The following RUBCN variants were observed in gnomAD, a reference collection of about 807,000 sequenced individuals.
RUBCN encodes the protein rubicon autophagy regulator, also known as run domain Beclin-1-interacting and cysteine-rich domain-containing protein.
A neutral mutation model predicts 113.2 loss-of-function variants in RUBCN; 74 were observed. That is an observed-to-expected ratio of 0.65 (90% CI 0.54 to 0.79). The LOEUF (loss-of-function observed/expected upper bound fraction) is 0.79. Ranked by LOEUF, RUBCN falls within the 30% of genes least tolerant of loss-of-function variation. The pLI is 0.00. For synonymous variants in RUBCN, 480 were observed against 490.0 expected, an observed-to-expected ratio of 0.98 and a Z score of 0.27; for missense variants, 1,109 against 1,251.7, an observed-to-expected ratio of 0.89 and a Z score of 1.72.
chr3:197,720,981 AT>A (rs1014292868), intron 1 of RUBCN, among the ~76,000 whole-genome samples: 1 of 150,382 alleles, frequency 6.6e-6, no homozygotes, highest in Non-Finnish European at 1.5e-5. Context: ...CTATCTTCTG[AT>A]TTTTTTTTAA....
chr3:197,707,770 G>A (rs1197903952), intron 2 of RUBCN, among the ~76,000 whole-genome samples: 1 of 152,108 alleles, frequency 6.6e-6, no homozygotes, highest in African/African-American at 2.4e-5. Context: ...TTCGAGACCA[G>A]CCTGGTCAAC....
intron 11 of RUBCN, 130 bp from the exon 12 acceptor site, chr3:197,684,347 A>G: frequency 3.8e-6 from 3 of 780,476 alleles, no homozygotes; most frequent in South Asian, 1.4e-5. Flanking sequence ...ATGCAGGAGA[A>G]AGGAGCAGGT....
At position 197,675,552 on chromosome 3, in the gene RUBCN, G is replaced by A. The variant is rs537657092; in HGVS notation, c.2647-37C>T. The A allele has an allele frequency of 1.9e-5, 29 of 1,504,022 alleles. No individual in the cohort carries two copies. The highest frequency in any genetic ancestry group is 1.8e-4 in the East Asian group (8 of 44,346). The allele number at this position is 1,504,022 out of a possible 1,614,324, so 93.2% of individuals were successfully genotyped here. A position where few individuals can be genotyped will look rare whatever the true frequency, so the allele number is the denominator to read the frequency against. On this transcript the variant is annotated intron_variant, in intron 18 of 19. Coordinates refer to ENST00000296343, the MANE Select transcript of RUBCN (RefSeq NM_014687.4). This position sits in a 1 kb window ranked among gnomAD's most constrained non-coding sequence, Gnocchi z 4.4. ...AAACACAGATGGCAAAATGAGGAGCGGCACATCAGGAACTGGCACGGGAGG... is the reference window on the plus strand; with the variant it reads ...AAACACAGATGGCAAAATGAGGAGCAGCACATCAGGAACTGGCACGGGAGG...
chr3:197,747,719 T>A (rs1262908027), intron 1 of RUBCN, among the ~76,000 whole-genome samples: 1 of 152,190 alleles, frequency 6.6e-6, no homozygotes, highest in Non-Finnish European at 1.5e-5. Context: ...TTATTTCTAG[T>A]GACAGAAGGT....
chr3:197,714,164 C>G (rs575277509), intron 2 of RUBCN, among the ~76,000 whole-genome samples: 1 of 152,114 alleles, frequency 6.6e-6, no homozygotes, highest in Non-Finnish European at 1.5e-5. Flanking sequence ...AAAATGTGAG[C>G]AGTCTGATTC....
chr3:197,736,310 A>G (rs900267435), intron 1 of RUBCN, among the ~76,000 whole-genome samples: 1 of 151,942 alleles, frequency 6.6e-6, no homozygotes, highest in East Asian at 1.9e-4. Context: ...GCCCCTGTCT[A>G]TAGACTCTGG....
At chr3:197,701,251 G>T in intron 6 of RUBCN, 105 bp from the exon 7 acceptor site, 1 of 1,040,494 alleles carries the variant, frequency 9.6e-7, no homozygotes. Flanking sequence ...CTCAGAAACG[G>T]CAAGCCAAAT....
chr3:197,671,418 A>C lies in RUBCN; in HGVS notation c.*3600T>G, dbSNP rs1719778210. The C allele has an allele frequency of 1.3e-5, 2 of 152,236 alleles. No homozygotes were observed. Among genetic ancestry groups the C allele is most frequent in the Admixed American group, 1.3e-4 (2 of 15,284 alleles). The allele number at this position is 152,236 out of a possible 1,614,324, so 9.4% of individuals were successfully genotyped here. ...TTTGTGTGCTAGTGGCAGAAAAGTA[A>C]TGAGAGATTTATTTTAGAGGAAAAC... On this transcript the variant is annotated 3_prime_UTR_variant, in exon 20 of 20. Transcript: ENST00000296343.
intron 11 of RUBCN, 29 bp downstream of exon 11, chr3:197,693,686 T>C: frequency 7.1e-7 from 1 of 1,416,376 alleles, no homozygotes; most frequent in East Asian, 2.3e-5. Context: ...AGAATAAAAG[T>C]TCCCTTGTAA....
At chr3:197,718,198 A>T (rs1333426509) in intron 1 of RUBCN, 68 bp from the exon 2 acceptor site, 2 of 1,589,166 alleles carry the variant, frequency 1.3e-6, no homozygotes, top group African/African-American at 1.4e-5. Flanking sequence ...CATATCAAAG[A>T]AAGTCTAAGC....
intron 1 of RUBCN, among the ~76,000 whole-genome samples, chr3:197,744,941 C>T (rs1728672892): frequency 6.6e-6 from 1 of 152,118 alleles, no homozygotes; most frequent in Non-Finnish European, 1.5e-5. Flanking sequence ...GTATAAACTG[C>T]ATACTTTCAG....
At chr3:197,749,366 T>TA in exon 1 of RUBCN, 1 of 1,172,180 alleles carries the variant, frequency 8.5e-7, no homozygotes, top group Admixed American at 3.6e-5. Context: ...CGGGAAACGT[T>TA]AGCATTTACT....
intron 16 of RUBCN, among the ~76,000 whole-genome samples, chr3:197,679,950 T>C (rs1345181542): frequency 6.8e-6 from 1 of 147,600 alleles, no homozygotes; most frequent in Non-Finnish European, 1.5e-5. Flanking sequence ...TCCTACGCTC[T>C]GACAACTGGC....
chr3:197,717,870 T>A, intron 2 of RUBCN, 107 bp downstream of exon 2: 1 of 1,197,096 alleles, frequency 8.4e-7, no homozygotes, highest in Admixed American at 1.7e-5. Flanking sequence ...TCACAGCTGC[T>A]CTCAGGAGTC....
intron 1 of RUBCN, among the ~76,000 whole-genome samples, chr3:197,730,759 G>A (rs1727332457): frequency 4.6e-5 from 7 of 151,594 alleles, no homozygotes. Context: ...GGCTGCTTGA[G>A]ATAATGGGAG....
intron 1 of RUBCN, among the ~76,000 whole-genome samples, chr3:197,732,425 T>C (rs1426298747): frequency 6.6e-6 from 1 of 152,216 alleles, no homozygotes; most frequent in African/African-American, 2.4e-5. Flanking sequence ...GCCATTCTCC[T>C]GCCTCAACCT....
intron 11 of RUBCN, 115 bp from the exon 12 acceptor site, chr3:197,684,332 ACT>A (rs1239478948): frequency 1.2e-6 from 1 of 813,722 alleles, no homozygotes; most frequent in Non-Finnish European, 2.2e-6. Flanking sequence ...CAGGTGCCAC[ACT>A]CTATGCAGGA....
chr3:197,747,417 C>T (rs1319395129), intron 1 of RUBCN, among the ~76,000 whole-genome samples: 1 of 151,066 alleles, frequency 6.6e-6, no homozygotes, highest in Non-Finnish European at 1.5e-5. Flanking sequence ...GACAGGGTCT[C>T]ACGATGTCGC....
upstream of RUBCN, among the ~76,000 whole-genome samples, chr3:197,740,665 G>A (rs192638580): frequency 2.3e-3 from 351 of 151,422 alleles, 2 homozygotes; most frequent in African/African-American, 8.4e-3. Context: ...GTGTTGCCCA[G>A]GCTGGAGTGC....
Sources: gnomAD v4.1 joint callset for allele counts (sites outside exome capture counted in the v4.1 genomes callset) on GRCh38, gnomAD v4.1.1 for gene constraint, Gnocchi (gnomAD v3.1) non-coding constraint, MANE v1.5 for transcripts, NCBI Gene and HGNC (gene_info 2026-07-23, HGNC 2026-07-21) for gene names.